PDZRN4: variants seen among roughly 807,000 people sequenced by gnomAD.
PDZRN4 encodes the protein PDZ domain-containing RING finger protein 4.
Under a neutral mutation model 99.0 loss-of-function variants are expected in PDZRN4, and 70 were observed. The ratio of observed to expected loss-of-function variants is 0.71; its 90% CI spans 0.58 to 0.86. The LOEUF (loss-of-function observed/expected upper bound fraction) is 0.86. Among genes scored for constraint, PDZRN4 ranks in the 40% least tolerant of loss-of-function variants. The probability of loss-of-function intolerance (pLI) is 0.00; values close to 1 mark genes in which losing one functional copy is unlikely to be tolerated. For synonymous variants in PDZRN4, 551 were observed against 501.6 expected (o/e 1.10, Z -1.32); for missense variants, 1,474 against 1,331.2 (o/e 1.11, Z -1.67).
intron 3 of PDZRN4, among the ~76,000 whole-genome samples, chr12:41,494,344 A>C (rs189835643): frequency 7.6e-4 from 115 of 152,180 alleles, no homozygotes; most frequent in African/African-American, 2.7e-3. Context: ...AAGTTGCTTA[A>C]GTTATTTAGT....
At chr12:41,393,993 T>C (rs529610405) in intron 3 of PDZRN4, among the ~76,000 whole-genome samples, 21 of 152,306 alleles carry the variant, frequency 1.4e-4, no homozygotes, top group African/African-American at 4.8e-4. Context: ...AGCCACTATA[T>C]AGCAAAATAT....
intron 3 of PDZRN4, among the ~76,000 whole-genome samples, chr12:41,360,457 C>T (rs1304224393): frequency 1.3e-5 from 2 of 152,028 alleles, no homozygotes; most frequent in African/African-American, 4.8e-5. Context: ...CTAGGACCCA[C>T]TCCCAGACAT....
intron 5 of PDZRN4, among the ~76,000 whole-genome samples, chr12:41,526,915 G>C (rs1938577424): frequency 1.3e-5 from 2 of 152,158 alleles, no homozygotes; most frequent in Non-Finnish European, 1.5e-5. Context: ...CTATCTGAAA[G>C]CCATAGTGAC....
At chr12:41,204,362 T>C (rs1950834886) in intron 3 of PDZRN4, among the ~76,000 whole-genome samples, 1 of 151,244 alleles carries the variant, frequency 6.6e-6, no homozygotes, top group African/African-American at 2.4e-5. Context: ...GACAGGAGAG[T>C]TCCTTAAGAA....
chr12:41,198,051 A>G lies in PDZRN4; in HGVS notation c.843+3863A>G, dbSNP rs182622483. 5.9e-3 allele frequency among the ~76,000 whole-genome samples: 893 copies of G among 151,096 alleles called. 11 individuals are homozygous for G. Among genetic ancestry groups the G allele is most frequent in the African/African-American group, 0.021 (866 of 41,178 alleles). ...AGCCTAAGCCTCCCAAGTAGCTGGG[A>G]CTACAGGTGCACCCCACCTCACCTG... is the stretch of plus-strand genomic sequence containing the variant. On this transcript the variant is annotated intron_variant, in intron 3 of 9. Transcript: ENST00000402685.
rs180921366 is a variant in PDZRN4 at position 41,513,321 on chromosome 12, A to G, written c.1203+3408A>G. 6.6e-5 allele frequency among the ~76,000 whole-genome samples: 10 copies of G among 152,102 alleles called. No homozygotes were observed. In the East Asian group the frequency reaches 1.8e-3, roughly 27 times the overall value. ...CCTCTATGAAAATTTAATGACACCC[A>G]TATCTCACCATGACCTATCACCAAT... On this transcript the variant is annotated intron_variant, in intron 5 of 9. Transcript: ENST00000402685.
intron 3 of PDZRN4, among the ~76,000 whole-genome samples, chr12:41,420,136 C>G (rs1168133761): frequency 6.6e-6 from 1 of 152,130 alleles, no homozygotes; most frequent in Non-Finnish European, 1.5e-5. Flanking sequence ...TCATTCAAAT[C>G]TCTGTTCTTC....
At chr12:41,338,617 A>G (rs551400437) in intron 3 of PDZRN4, among the ~76,000 whole-genome samples, 4 of 152,054 alleles carry the variant, frequency 2.6e-5, no homozygotes, top group Non-Finnish European at 5.9e-5. Flanking sequence ...ATGAAAATGG[A>G]GACATGATAA....
At chr12:41,417,209 T>A (rs1201545926) in intron 3 of PDZRN4, among the ~76,000 whole-genome samples, 1 of 152,188 alleles carries the variant, frequency 6.6e-6, no homozygotes, top group East Asian at 1.9e-4. Context: ...GAAATGTTTT[T>A]TAAAAGGCTT....
rs549552308 is a variant in PDZRN4 at position 41,298,529 on chromosome 12, T to C, written c.843+104341T>C. Among the ~76,000 whole-genome samples the C allele has an allele frequency of 1.6e-4, 25 of 152,294 alleles. 1 individual carries two copies. The highest frequency in any genetic ancestry group is 6.0e-4 in the African/African-American group (25 of 41,558). On this transcript the variant is annotated intron_variant, in intron 3 of 9. Transcript: ENST00000402685. ...TTTCATTTTATTTGTTTTATGAATT[T>C]TTAAAAATGATATGCTTTCTGTGGT...
At chr12:41,390,098 C>G (rs1369510246) in intron 3 of PDZRN4, among the ~76,000 whole-genome samples, 1 of 151,990 alleles carries the variant, frequency 6.6e-6, no homozygotes, top group Non-Finnish European at 1.5e-5. Context: ...AGATTAAAAC[C>G]CTTTTTACAG....
intron 3 of PDZRN4, among the ~76,000 whole-genome samples, chr12:41,203,520 A>C (rs2120671730): frequency 6.6e-6 from 1 of 152,068 alleles, no homozygotes; most frequent in Non-Finnish European, 1.5e-5. Context: ...TGTAGCTAAT[A>C]ATTATTGGTT....
intron 3 of PDZRN4, among the ~76,000 whole-genome samples, chr12:41,392,950 A>G (rs565138984): frequency 3.3e-5 from 5 of 152,318 alleles, no homozygotes; most frequent in African/African-American, 1.2e-4. Flanking sequence ...ATATTTATTT[A>G]TTCAAATGTG....
intron 3 of PDZRN4, among the ~76,000 whole-genome samples, chr12:41,203,829 G>A (rs542676326): frequency 6.6e-6 from 1 of 152,138 alleles, no homozygotes; most frequent in South Asian, 2.1e-4. Context: ...GGCCTTGCAT[G>A]TTTGTCTAAG....
chr12:41,316,456 A>ATGTGTGTG (rs71081722), intron 3 of PDZRN4, among the ~76,000 whole-genome samples: 5,347 of 144,466 alleles, frequency 0.037, 119 homozygotes, highest in Non-Finnish European at 0.054. Context: ...AAAAAGGCAA[A>ATGTGTGTG]TGTGTGTGTG....
intron 3 of PDZRN4, among the ~76,000 whole-genome samples, chr12:41,351,941 G>A (rs1471368709): frequency 4.1e-5 from 6 of 147,794 alleles, no homozygotes; most frequent in African/African-American, 1.5e-4. Context: ...GCTCAGGAGT[G>A]TGAGATCAGT....
chr12:41,554,315 G>A (rs1270434131), intron 6 of PDZRN4, among the ~76,000 whole-genome samples: 1 of 152,120 alleles, frequency 6.6e-6, no homozygotes. Flanking sequence ...CTTCCTTCTA[G>A]TAAGTCTCTA....
intron 3 of PDZRN4, among the ~76,000 whole-genome samples, chr12:41,349,124 C>A (rs1951874155): frequency 6.6e-6 from 1 of 151,864 alleles, no homozygotes; most frequent in Non-Finnish European, 1.5e-5. Flanking sequence ...CAATTACTAT[C>A]AATAGGGATC....
intron 3 of PDZRN4, among the ~76,000 whole-genome samples, chr12:41,251,514 T>C (rs1951169979): frequency 6.6e-6 from 1 of 152,214 alleles, no homozygotes; most frequent in South Asian, 2.1e-4. Context: ...TTAATATTGC[T>C]CTGATAGGGT....
Sources: gnomAD v4.1 joint callset for allele counts (sites outside exome capture counted in the v4.1 genomes callset) on GRCh38, gnomAD v4.1.1 for gene constraint, MANE v1.5 for transcripts, NCBI Gene and HGNC (gene_info 2026-07-23, HGNC 2026-07-21) for gene names.